Variants in RCAN1 observed in about 807,000 individuals in gnomAD.
The protein encoded by RCAN1 is regulator of calcineurin 1, also known as calcipressin-1.
A neutral mutation model predicts 22.9 loss-of-function variants in RCAN1; 11 were observed. The ratio of observed to expected loss-of-function variants is 0.48; its 90% CI spans 0.30 to 0.79. The LOEUF (loss-of-function observed/expected upper bound fraction) is 0.79, where lower values mean the gene tolerates loss of function less well. Ranked by LOEUF, RCAN1 falls within the 30% of genes least tolerant of loss-of-function variation. The pLI, the probability that RCAN1 is intolerant of heterozygous loss-of-function variation, is 0.06. For missense variants in RCAN1, 291 were observed against 337.8 expected (o/e 0.86, Z 1.09); for synonymous variants, 136 against 142.3 (o/e 0.96, Z 0.32).
rs150086469 is a variant in RCAN1 at position 34,606,116 on chromosome 21, G to A, written c.252+8644C>T. 2.2e-3 allele frequency among the ~76,000 whole-genome samples: 339 copies of A among 152,212 alleles called. 1 individual carries two copies. The highest frequency in any genetic ancestry group is 4.0e-3 in the Non-Finnish European group (275 of 68,014). Reference sequence around the variant, plus strand: ...AGTTCTTGTAAAGATAAAATGATACGTCTTGTGGAGTCCTGATAAGTAAAC... The same window carrying A: ...AGTTCTTGTAAAGATAAAATGATACATCTTGTGGAGTCCTGATAAGTAAAC... On this transcript the variant is annotated intron_variant, in intron 1 of 3. Transcript: ENST00000313806.
intron 1 of RCAN1, among the ~76,000 whole-genome samples, chr21:34,595,261 G>C (rs1456801335): frequency 6.6e-6 from 1 of 152,156 alleles, no homozygotes; most frequent in African/African-American, 2.4e-5. Flanking sequence ...AATGGTGGGA[G>C]AAATTCATCA....
intron 1 of RCAN1, among the ~76,000 whole-genome samples, chr21:34,566,241 C>T (rs1278415093): frequency 1.3e-5 from 2 of 152,136 alleles, no homozygotes; most frequent in African/African-American, 2.4e-5. Flanking sequence ...AGAGTCTTCT[C>T]CTAATCCAGG....
intron 1 of RCAN1, among the ~76,000 whole-genome samples, chr21:34,592,051 C>T (rs1987990426): frequency 6.6e-6 from 1 of 152,190 alleles, no homozygotes; most frequent in African/African-American, 2.4e-5. Context: ...CGTTCCCCTC[C>T]CTTGCACCCT....
Position 34,525,380 on chromosome 21 carries a change from G to A in RCAN1, c.253-1670C>T, listed in dbSNP as rs565321192. On this transcript the variant is annotated intron_variant, in intron 1 of 3. Transcript: ENST00000313806. ...CGAGGGATCCCGCAGAGGCACGTGCGAAGGAACGCGGAGCTGGCGGACGGT... is the reference window on the plus strand; with the variant it reads ...CGAGGGATCCCGCAGAGGCACGTGCAAAGGAACGCGGAGCTGGCGGACGGT... 1.1e-4 allele frequency: 160 copies of A among 1,455,060 alleles called. 2 individuals carry two copies. The South Asian group carries it at 2.0e-3, about 18-fold the overall frequency. 90.1% of individuals were successfully genotyped at this position (1,455,060 alleles called of 1,614,324 possible).
intron 1 of RCAN1, among the ~76,000 whole-genome samples, chr21:34,594,676 G>A (rs1988089566): frequency 6.6e-6 from 1 of 152,222 alleles, no homozygotes; most frequent in Admixed American, 6.5e-5. Flanking sequence ...ATAAGGCACA[G>A]TCCAGGTGCT....
chr21:34,529,728 C>T (rs960385469), intron 1 of RCAN1, among the ~76,000 whole-genome samples: 2 of 152,218 alleles, frequency 1.3e-5, no homozygotes, highest in African/African-American at 4.8e-5. Flanking sequence ...GAAAGCAGAG[C>T]AAGACCCACA....
chr21:34,602,020 T>C (rs527573965), intron 1 of RCAN1, among the ~76,000 whole-genome samples: 164 of 152,166 alleles, frequency 1.1e-3, no homozygotes, highest in African/African-American at 3.9e-3. Context: ...AAATTAAACA[T>C]TGACCTAATA....
chr21:34,526,017 A>C (rs1383455094), intron 1 of RCAN1, among the ~76,000 whole-genome samples: 1 of 152,240 alleles, frequency 6.6e-6, no homozygotes, highest in African/African-American at 2.4e-5. Flanking sequence ...ATTCCTATAC[A>C]GTATTATTAA....
intron 1 of RCAN1, among the ~76,000 whole-genome samples, chr21:34,576,606 A>C (rs1202825205): frequency 2.0e-5 from 3 of 152,240 alleles, no homozygotes; most frequent in African/African-American, 7.2e-5. Context: ...TCTTTAGAAG[A>C]AATAAGTCAC....
chr21:34,554,939 T>C (rs1467330601), intron 1 of RCAN1, among the ~76,000 whole-genome samples: 2 of 152,212 alleles, frequency 1.3e-5, no homozygotes, highest in East Asian at 3.9e-4. Context: ...GAGAACAGCA[T>C]GGGAAAGACC....
Position 34,597,019 on chromosome 21 carries a change from G to A in RCAN1, c.252+17741C>T, listed in dbSNP as rs542214743. ...CTTGAGACAGAGAGTAAGAATCCTGGGCTCCCAGTCTCAGTTTCGTCATGA... is the reference window on the plus strand; with the variant it reads ...CTTGAGACAGAGAGTAAGAATCCTGAGCTCCCAGTCTCAGTTTCGTCATGA... On this transcript the variant is annotated intron_variant, in intron 1 of 3. Transcript: ENST00000313806. Among the ~76,000 whole-genome samples the A allele has an allele frequency of 3.9e-5, 6 of 152,258 alleles. No individual in the cohort carries two copies. The East Asian group carries it at 1.2e-3, about 29-fold the overall frequency.
chr21:34,523,721 A>G lies in RCAN1; in HGVS notation c.253-11T>C. Reference sequence around the variant, plus strand: ...GGACTCAAATTTGGCCTGAAAAATAACAATAAAAATAAAAGGAGTTGAAAT... The same window carrying G: ...GGACTCAAATTTGGCCTGAAAAATAGCAATAAAAATAAAAGGAGTTGAAAT... On this transcript the variant is annotated splice_polypyrimidine_tract_variant and intron_variant, in intron 1 of 3. Coordinates refer to ENST00000313806, the MANE Select transcript of RCAN1 (RefSeq NM_004414.7). 1 of 1,608,560 alleles carries G rather than the reference A, an allele frequency of 6.2e-7. No homozygotes were observed. The highest frequency in any genetic ancestry group is 8.5e-7 in the Non-Finnish European group (1 of 1,177,464).
rs1445326696 is a variant in RCAN1, at chr21:34,614,423, G to C, written c.252+337C>G. ...CCCCCTCCTCCAGCGAGTAAATGCGGGGCGATGGCGAGAGCGCAGGGGGCG... is the reference window on the plus strand; with the variant it reads ...CCCCCTCCTCCAGCGAGTAAATGCGCGGCGATGGCGAGAGCGCAGGGGGCG... On this transcript the variant is annotated intron_variant, in intron 1 of 3. Coordinates refer to ENST00000313806, the MANE Select transcript of RCAN1 (RefSeq NM_004414.7). The surrounding 1 kb of genome is among the most constrained non-coding windows in gnomAD (Gnocchi z 6.0). The C allele has an allele frequency of 1.0e-6, 1 of 1,003,508 alleles. No individual in the cohort carries two copies. Among genetic ancestry groups the C allele is most frequent in the Non-Finnish European group, 1.2e-6 (1 of 842,162 alleles). The allele number at this position is 1,003,508 out of a possible 1,614,324, so 62.2% of individuals were successfully genotyped here.
At chr21:34,519,890 T>A (rs1417874388) in intron 3 of RCAN1, among the ~76,000 whole-genome samples, 2 of 152,168 alleles carry the variant, frequency 1.3e-5, no homozygotes, top group Admixed American at 6.5e-5. Flanking sequence ...GGGACTGGAA[T>A]GTTATTATAA....
At chr21:34,538,957 T>C (rs1011179607) in intron 1 of RCAN1, among the ~76,000 whole-genome samples, 1 of 152,178 alleles carries the variant, frequency 6.6e-6, no homozygotes, top group Admixed American at 6.5e-5. Context: ...AAGTTAATCA[T>C]CTGAAGTCTC....
chr21:34,522,255 T>C (rs1984624990), intron 2 of RCAN1: 1 of 151,330 alleles, frequency 6.6e-6, no homozygotes, highest in Non-Finnish European at 1.5e-5. Context: ...TAACCTACGA[T>C]CCTAGTTTGG....
At chr21:34,613,810 G>C (rs1601231306) in intron 1 of RCAN1, 1 of 1,492,298 alleles carries the variant, frequency 6.7e-7, no homozygotes, top group East Asian at 2.5e-5. Context: ...TTTCACAGTG[G>C]TGTTGTATTG....
chr21:34,567,359 G>T (rs541974553), intron 1 of RCAN1, among the ~76,000 whole-genome samples: 5 of 152,150 alleles, frequency 3.3e-5, no homozygotes, highest in South Asian at 2.1e-4. Context: ...AGCCGAGCGT[G>T]GGGGGCACAT....
At chr21:34,538,852 T>C (rs1003836468) in intron 1 of RCAN1, among the ~76,000 whole-genome samples, 2 of 152,144 alleles carry the variant, frequency 1.3e-5, no homozygotes, top group African/African-American at 4.8e-5. Flanking sequence ...TGAAGTGACC[T>C]GGGGTGTGTC....
Sources: allele counts gnomAD v4.1 joint callset (sites outside exome capture counted in the v4.1 genomes callset), GRCh38; gene constraint gnomAD v4.1.1; non-coding constraint Gnocchi (gnomAD v3.1); transcripts MANE v1.5; gene names NCBI Gene and HGNC (gene_info 2026-07-23, HGNC 2026-07-21).